The following IPO11 variants were observed in gnomAD, a reference collection of about 807,000 sequenced individuals.
IPO11 encodes the protein importin 11, also known as importin-11.
A neutral mutation model predicts 143.2 loss-of-function variants in IPO11; 66 were observed. The ratio of observed to expected loss-of-function variants is 0.46; its 90% CI spans 0.38 to 0.57. The LOEUF is 0.57. Ranked by LOEUF, IPO11 falls within the 20% of genes least tolerant of loss-of-function variation. The pLI is 0.00. For synonymous variants in IPO11, 385 were observed against 377.8 expected (o/e 1.02, Z -0.22); for missense variants, 1,026 against 1,141.0 (o/e 0.90, Z 1.45).
intron 27 of IPO11, among the ~76,000 whole-genome samples, chr5:62,562,975 A>G (rs1042772436): frequency 1.3e-5 from 2 of 152,218 alleles, no homozygotes; most frequent in African/African-American, 4.8e-5. Flanking sequence ...TAACATATCT[A>G]AGATAAGAGA....
rs1332789131 is a variant in IPO11, at chr5:62,580,664, T to G, written c.2583-10913T>G. ...ATTACAAATTGTGTTACATCTTCAA[T>G]AAATGTATCCAGAGCTTGGGCTGTT... On this transcript the variant is annotated intron_variant, in intron 27 of 29. Transcript: ENST00000325324. 9 of 1,551,536 alleles carry G rather than the reference T, an allele frequency of 5.8e-6. No homozygotes were observed. The highest frequency in any genetic ancestry group is 7.8e-6 in the Non-Finnish European group (9 of 1,146,862).
rs541919179 is a variant in IPO11 at position 62,591,755 on chromosome 5, A to G, written c.2678+83A>G. ...GCATGATTTTTTTCACCATCACTCT[A>G]TAAGCACAGTATGAAAGTTTTATAA... On this transcript the variant is annotated intron_variant, in intron 28 of 29. Transcript: ENST00000325324. 7.5e-6 allele frequency: 6 copies of G among 797,370 alleles called. No homozygotes were observed. In the Admixed American group the frequency reaches 8.7e-5, roughly 11 times the overall value. 49.4% of individuals were successfully genotyped at this position (797,370 alleles called of 1,614,324 possible). A position where few individuals can be genotyped will look rare whatever the true frequency, so the allele number is the denominator to read the frequency against.
At chr5:62,570,141 A>G (rs907602560) in intron 27 of IPO11, among the ~76,000 whole-genome samples, 2 of 151,672 alleles carry the variant, frequency 1.3e-5, no homozygotes, top group Non-Finnish European at 2.9e-5. Flanking sequence ...GAACAGTACA[A>G]TTGGATGCTC....
At chr5:62,606,382 A>G (rs1411277056) in intron 29 of IPO11, among the ~76,000 whole-genome samples, 1 of 141,554 alleles carries the variant, frequency 7.1e-6, no homozygotes, top group East Asian at 2.3e-4. Flanking sequence ...TGGGAGGCTG[A>G]GGTGGGAGGA....
Position 62,491,504 on chromosome 5 carries a change from C to T in IPO11, c.1463+1284C>T, listed in dbSNP as rs569207265. On this transcript the variant is annotated intron_variant, in intron 15 of 29. Coordinates refer to ENST00000325324, the MANE Select transcript of IPO11 (RefSeq NM_016338.5). ...CACTGTCCAGTGCAGAAGCTCCCTA[C>T]GTGTAGCTATTGAGCACTTGAAATG... 2.8e-4 allele frequency among the ~76,000 whole-genome samples: 43 copies of T among 152,132 alleles called. No individual in the cohort carries two copies. The South Asian group carries it at 7.9e-3, about 28-fold the overall frequency.
chr5:62,541,399 A>G (rs1044381254), intron 24 of IPO11, among the ~76,000 whole-genome samples: 1 of 150,332 alleles, frequency 6.7e-6, no homozygotes, highest in Non-Finnish European at 1.5e-5. Context: ...TTGTATTTTG[A>G]CCAGGCGTGG....
chr5:62,536,269 A>G (rs1006473958), intron 22 of IPO11, among the ~76,000 whole-genome samples: 7 of 152,144 alleles, frequency 4.6e-5, no homozygotes, highest in Non-Finnish European at 8.8e-5. Flanking sequence ...AGCAGTAAAA[A>G]TTTATTTTGA....
intron 20 of IPO11, among the ~76,000 whole-genome samples, chr5:62,519,977 A>G (rs968201790): frequency 2.6e-5 from 4 of 152,098 alleles, no homozygotes; most frequent in African/African-American, 7.2e-5. Flanking sequence ...AGCCCCTTTC[A>G]TGTTCAAAGT....
At chr5:62,527,755 G>A (rs1742413894) in intron 21 of IPO11, among the ~76,000 whole-genome samples, 1 of 152,068 alleles carries the variant, frequency 6.6e-6, no homozygotes, top group Non-Finnish European at 1.5e-5. Context: ...TAAATTATTA[G>A]GAGAAAATTT....
Position 62,449,910 on chromosome 5 carries a change from C to CT in IPO11, c.240-5dup, listed in dbSNP as rs11329383. ...GTGGCATTCTTTTGCATAATCAATACTTTTTTTTTTTTACAGTGCTCTCTC... is the reference window on the plus strand; with the variant it reads ...GTGGCATTCTTTTGCATAATCAATACTTTTTTTTTTTTTACAGTGCTCTCTC... On this transcript the variant is annotated splice_polypyrimidine_tract_variant and intron_variant, in intron 3 of 29. Transcript: ENST00000325324. The CT allele has an allele frequency of 6.2e-3, 7,760 of 1,248,948 alleles. No individual in the cohort carries two copies. Among genetic ancestry groups the CT allele is most frequent in the East Asian group, 7.7e-3 (280 of 36,134 alleles). The allele number at this position is 1,248,948 out of a possible 1,614,324, so 77.4% of individuals were successfully genotyped here.
At position 62,614,858 on chromosome 5, in the gene IPO11, T is replaced by TG. The variant is rs201100023; in HGVS notation, c.2764-12291dup. ...CACACAGACTTGAAGATGGTGAATG[T>TG]GGGGGTTTTATTGACTGGTGGAGGT... On this transcript the variant is annotated intron_variant, in intron 29 of 29. Transcript: ENST00000325324. 3.6e-3 allele frequency among the ~76,000 whole-genome samples: 547 copies of TG among 152,080 alleles called. 8 individuals carry two copies. The highest frequency in any genetic ancestry group is 0.013 in the African/African-American group (533 of 41,496).
chr5:62,578,811 G>C (rs1173087346), intron 27 of IPO11: 4 of 403,828 alleles, frequency 9.9e-6, no homozygotes, highest in Non-Finnish European at 2.0e-5. Flanking sequence ...AAAAAAAAAA[G>C]TGGTGGGGTG....
rs1321457503 is a variant in IPO11 at position 62,511,759 on chromosome 5, TA to T, written c.1783-3628del. The stretch of plus-strand genomic sequence containing the variant: ...ATCCCCAAGGATATTCTTTTATTTT[TA>T]TTTTTTTTTTTAGATTATAAAAACT... On this transcript the variant is annotated intron_variant, in intron 19 of 29. Coordinates refer to ENST00000325324, the MANE Select transcript of IPO11 (RefSeq NM_016338.5). 7.2e-5 allele frequency among the ~76,000 whole-genome samples: 11 copies of T among 152,012 alleles called. No individual in the cohort carries two copies. The East Asian group carries it at 7.7e-4, about 11-fold the overall frequency.
intron 12 of IPO11, among the ~76,000 whole-genome samples, chr5:62,486,920 T>C (rs1173449854): frequency 6.6e-6 from 1 of 152,190 alleles, no homozygotes; most frequent in African/African-American, 2.4e-5. Context: ...TCAGTGTGTA[T>C]ATTTATAATG....
rs1164779464 is a variant in IPO11 at position 62,627,897 on chromosome 5, TA to T, written c.*580del. 1 of 152,530 alleles carries T rather than the reference TA, an allele frequency of 6.6e-6. No homozygotes were observed. Among genetic ancestry groups the T allele is most frequent in the Non-Finnish European group, 1.5e-5 (1 of 68,032 alleles). The allele number at this position is 152,530 out of a possible 1,614,324, so 9.4% of individuals were successfully genotyped here. On this transcript the variant is annotated 3_prime_UTR_variant, in exon 30 of 30. Coordinates refer to ENST00000325324, the MANE Select transcript of IPO11 (RefSeq NM_016338.5). ...GTGTGTTTTATCAGACAAATGCTTTTATTTTCATTCTAATAATTTGATACAG... is the reference window on the plus strand; with the variant it reads ...GTGTGTTTTATCAGACAAATGCTTTTTTTTCATTCTAATAATTTGATACAG...
chr5:62,438,148 CA>C (rs1744307183), intron 2 of IPO11, among the ~76,000 whole-genome samples: 1 of 152,074 alleles, frequency 6.6e-6, no homozygotes, highest in Non-Finnish European at 1.5e-5. Flanking sequence ...AGAATCAGAG[CA>C]AAATTGTTTA....
In IPO11 at chr5:62,483,243, T is replaced by C. The variant is rs1404780672; in HGVS notation, c.971T>C (p.Ile324Thr). 2.5e-6 allele frequency: 4 copies of C among 1,606,790 alleles called. No homozygotes were observed. Among genetic ancestry groups the C allele is most frequent in the African/African-American group, 1.3e-5 (1 of 74,746 alleles). ...ERFIVQCMNL[I>T]KMIVKNYAYK... is the part of the protein sequence containing the mutation. ...TTCATTGTCCAATGTATGAATCTTA[T>C]TAAGATGATTGTCAAAAATTATGCT... is the stretch of plus-strand genomic sequence containing the variant. The change falls in exon 10 of 30, where the codon ATT becomes ACT. Residue 324 changes from isoleucine (I) to threonine (T), a missense_variant. Coordinates refer to ENST00000325324, the MANE Select transcript of IPO11 (RefSeq NM_016338.5).
At position 62,463,113 on chromosome 5, in the gene IPO11, C is replaced by T. The variant is rs555758841; in HGVS notation, c.517-4018C>T. 6.6e-5 allele frequency among the ~76,000 whole-genome samples: 10 copies of T among 152,216 alleles called. No individual in the cohort carries two copies. In the South Asian group the frequency reaches 2.1e-3, roughly 32 times the overall value. ...CTGGAGTGCTGTGGTGTGATCATAG[C>T]TCACTGCAGCCCTGAACTCCTGGGT... On this transcript the variant is annotated intron_variant, in intron 5 of 29. Transcript: ENST00000325324.
At position 62,601,885 on chromosome 5, in the gene IPO11, A is replaced by G. The variant is rs780415299; in HGVS notation, c.2763+37A>G. ...AAGTAGCTTGTAAAAATTAAGAACC[A>G]TATATTATCATTTTCTGTAGGTTCA... On this transcript the variant is annotated intron_variant, in intron 29 of 29. Coordinates refer to ENST00000325324, the MANE Select transcript of IPO11 (RefSeq NM_016338.5). 4 of 1,275,180 alleles carry G rather than the reference A, an allele frequency of 3.1e-6. No homozygotes were observed. In the Admixed American group the frequency reaches 6.7e-5, roughly 21 times the overall value. 79.0% of individuals were successfully genotyped at this position (1,275,180 alleles called of 1,614,324 possible).
Sources: gnomAD v4.1 joint callset for allele counts (sites outside exome capture counted in the v4.1 genomes callset) on GRCh38, gnomAD v4.1.1 for gene constraint, MANE v1.5 for transcripts, NCBI Gene and HGNC (gene_info 2026-07-23, HGNC 2026-07-21) for gene names.